Variants in GCC2 observed in about 807,000 individuals in gnomAD.
GCC2 encodes GRIP and coiled-coil domain containing 2.
In GCC2, 120 loss-of-function variants were observed where a neutral mutation model predicts 210.6. The ratio of observed to expected loss-of-function variants is 0.57; its 90% CI spans 0.49 to 0.66. The LOEUF is 0.66. GCC2 is among the 30% of genes least tolerant of loss of function. The pLI is 0.00. For synonymous variants in GCC2, 703 were observed against 652.7 expected (o/e 1.08, Z -1.17); for missense variants, 1,868 against 1,871.9 (o/e 1.00, Z 0.04).
At chr2:108,468,790 T>C (rs1427317594) in intron 4 of GCC2, among the ~76,000 whole-genome samples, 190 bp from the exon 5 acceptor site, 1 of 152,248 alleles carries the variant, frequency 6.6e-6, no homozygotes, top group African/African-American at 2.4e-5. Context: ...CGTAATTCAG[T>C]TTTCCAAAGA....
At position 108,469,766 on chromosome 2, in the gene GCC2, G is replaced by C. The variant is rs758608147; in HGVS notation, c.437G>C (p.Ser146Thr). 34 of 1,613,704 alleles carry C rather than the reference G, an allele frequency of 2.1e-5. No homozygotes were observed. Among genetic ancestry groups the C allele is most frequent in the Non-Finnish European group, 2.9e-5 (34 of 1,179,788 alleles). ...NELMAVRSKYSEDKANLQKQL... is the reference protein window; with the variant it reads ...NELMAVRSKYTEDKANLQKQL... ...TTGATGGCAGTACGTTCCAAATACA[G>C]TGAAGACAAAGCTAACTTACAAAAG... Residue 146 changes from serine (S) to threonine (T), a missense_variant, in exon 6 of 23, where the codon AGT becomes ACT. Physicochemically the swap from Ser to Thr is moderately conservative, Grantham distance 58. Coordinates refer to ENST00000309863, the MANE Select transcript of GCC2 (RefSeq NM_181453.4).
Position 108,471,679 on chromosome 2 carries a change from C to T in GCC2, c.2350C>T (p.Gln784Ter). The change falls in exon 6 of 23, where the codon CAG becomes TAG. Residue 784 changes from glutamine to a stop codon, truncating the protein, a stop_gained. Coordinates refer to ENST00000309863, the MANE Select transcript of GCC2 (RefSeq NM_181453.4). LOFTEE classifies it high-confidence loss of function. ...SEEKDVVNVL[Q>*]AVGESLAKIN... is the part of the protein sequence containing the mutation. ...AGAGAAAGATGTTGTTAATGTCCTACAGGCAGTCGGTGAATCCTTGGCAAA... is the reference window on the plus strand; with the variant it reads ...AGAGAAAGATGTTGTTAATGTCCTATAGGCAGTCGGTGAATCCTTGGCAAA... 3 of 1,613,568 alleles carry T rather than the reference C, an allele frequency of 1.9e-6. No homozygotes were observed. In the Middle Eastern group the frequency reaches 5.0e-4, roughly 266 times the overall value.
In GCC2 at chr2:108,470,018, A is replaced by G; in HGVS notation, c.689A>G (p.Tyr230Cys). The G allele has an allele frequency of 6.2e-7, 1 of 1,612,822 alleles. No individual in the cohort carries two copies. The highest frequency in any genetic ancestry group is 8.5e-7 in the Non-Finnish European group (1 of 1,179,482). ...QNIIEANSQH[Y>C]QKNINSLQEE... ...ATCATTGAGGCTAATTCTCAGCATT[A>G]CCAAAAAAATATTAATAGTTTGCAG... The change falls in exon 6 of 23, where the codon TAC becomes TGC. Residue 230 changes from tyrosine (Y) to cysteine (C), a missense_variant. By Grantham distance (194) the Tyr-to-Cys change is radical. This residue lies in a region of GCC2 where 1,847 missense variants were observed against 1,765.2 expected (regional missense o/e 1.05). Transcript: ENST00000309863.
intron 22 of GCC2, among the ~76,000 whole-genome samples, chr2:108,504,222 G>C: frequency 6.6e-6 from 1 of 152,048 alleles, no homozygotes; most frequent in East Asian, 1.9e-4. Flanking sequence ...ATATATACAT[G>C]AGTGTTGGTA....
In GCC2 at chr2:108,497,025, T is replaced by C; in HGVS notation, c.4698T>C (p.Ser1566=). The C allele has an allele frequency of 1.2e-6, 2 of 1,612,038 alleles. No homozygotes were observed. Among genetic ancestry groups the C allele is most frequent in the Non-Finnish European group, 1.7e-6 (2 of 1,179,862 alleles). ...FTKEELVQKL[S]STTKSADHLN... ...AAGAAGAATTGGTTCAGAAGCTCAG[T>C]TCCACCACAAAAAGTGCAGATCACT... The change falls in exon 21 of 23, where the codon AGT becomes AGC. Residue 1566 remains serine, a synonymous_variant. Coordinates refer to ENST00000309863, the MANE Select transcript of GCC2 (RefSeq NM_181453.4).
intron 22 of GCC2, among the ~76,000 whole-genome samples, chr2:108,500,948 G>A (rs568169635): frequency 9.9e-5 from 15 of 151,996 alleles, no homozygotes; most frequent in East Asian, 7.8e-4. Flanking sequence ...TCCTAAATAG[G>A]GCTCATATAT....
At chr2:108,466,212 A>G (rs1053546356) in intron 4 of GCC2, among the ~76,000 whole-genome samples, 2 of 151,896 alleles carry the variant, frequency 1.3e-5, no homozygotes, top group African/African-American at 2.4e-5. Flanking sequence ...GTTTGCAGAT[A>G]TTTTCTCCCA....
At chr2:108,461,778 G>A (rs7593788) in intron 4 of GCC2, among the ~76,000 whole-genome samples, 33,224 of 150,038 alleles carry the variant, frequency 0.22, 4,054 homozygotes, top group African/African-American at 0.32. Context: ...TTCTGGGATT[G>A]CAAGCATGAG....
At chr2:108,460,973 A>G (rs543320500) in intron 4 of GCC2, among the ~76,000 whole-genome samples, 2 of 152,222 alleles carry the variant, frequency 1.3e-5, no homozygotes, top group South Asian at 4.1e-4. Flanking sequence ...GCCTTCTGCC[A>G]TGATTGTAAG....
At chr2:108,462,117 G>A (rs1220776614) in intron 4 of GCC2, among the ~76,000 whole-genome samples, 1 of 147,274 alleles carries the variant, frequency 6.8e-6, no homozygotes, top group African/African-American at 2.5e-5. Flanking sequence ...GATTACAGGC[G>A]TGAGCCACTG....
In GCC2 at chr2:108,485,706, CA is replaced by C; in HGVS notation, c.3689del (p.Lys1230ArgfsTer14). 2 of 1,593,720 alleles carry C rather than the reference CA, an allele frequency of 1.3e-6. No individual in the cohort carries two copies. The highest frequency in any genetic ancestry group is 1.1e-5 in the South Asian group (1 of 87,378). ...AAATCAAGCAATTGCTTGTGAAAAC[CA>C]AAAAGGAACTGGCAGATTCAAAGCA... ...TKIKQLLVKT[K>X]KELADSKQAE... On this transcript the variant is annotated frameshift_variant, in exon 14 of 23. Coordinates refer to ENST00000309863, the MANE Select transcript of GCC2 (RefSeq NM_181453.4). LOFTEE classifies it high-confidence loss of function.
chr2:108,486,630 A>G lies in GCC2; in HGVS notation c.3912A>G (p.Glu1304=), dbSNP rs373111221. Reference sequence around the variant, plus strand: ...AGCAGAGAGTGACAGCACTACAGGAAGAGTGCCGTGCTGCCAAGGTGCGTT... The same window carrying G: ...AGCAGAGAGTGACAGCACTACAGGAGGAGTGCCGTGCTGCCAAGGTGCGTT... ...AYQQRVTALQ[E]ECRAAKAEQA... Residue 1304 remains glutamate, a synonymous_variant, in exon 16 of 23, where the codon GAA becomes GAG. Coordinates refer to ENST00000309863, the MANE Select transcript of GCC2 (RefSeq NM_181453.4). 6.4e-5 allele frequency: 103 copies of G among 1,613,234 alleles called. No individual in the cohort carries two copies. Among genetic ancestry groups the G allele is most frequent in the Non-Finnish European group, 8.5e-5 (100 of 1,179,684 alleles).
intron 4 of GCC2, among the ~76,000 whole-genome samples, chr2:108,454,047 G>A (rs1295280164): frequency 6.6e-6 from 1 of 152,052 alleles, no homozygotes; most frequent in Middle Eastern, 3.2e-3. Flanking sequence ...CTGGAGTGCA[G>A]TGGCACAATC....
At chr2:108,487,663 C>A (rs376735257) in intron 16 of GCC2, 36 bp from the exon 17 acceptor site, 1 of 1,567,132 alleles carries the variant, frequency 6.4e-7, no homozygotes, top group Non-Finnish European at 8.6e-7. Context: ...GACCCTGTTA[C>A]AGTAGAAAAA....
At chr2:108,503,985 A>G (rs1683058796) in intron 22 of GCC2, among the ~76,000 whole-genome samples, 1 of 152,158 alleles carries the variant, frequency 6.6e-6, no homozygotes, top group Non-Finnish European at 1.5e-5. Context: ...GCATGTGTCC[A>G]TAGTCCTAGC....
Position 108,507,567 on chromosome 2 carries a change from A to T in GCC2, c.4992A>T (p.Glu1664Asp). Residue 1664 changes from glutamate (E) to aspartate (D), a missense_variant, in exon 23 of 23, where the codon GAA becomes GAT. By Grantham distance (45) the Glu-to-Asp change is conservative (BLOSUM62 2). Transcript: ENST00000309863. ...GKLAAVAQGE[E>D]ENASRSSGWA... ...TTGTTTTACTTTCCAAAGGTGAGGA[A>T]GAAAATGCTTCCCGTTCTTCTGGAT... The T allele has an allele frequency of 6.3e-7, 1 of 1,599,106 alleles. No individual in the cohort carries two copies. The highest frequency in any genetic ancestry group is 2.2e-5 in the East Asian group (1 of 44,684).
At chr2:108,469,163 AAG>A (rs1681055825) in intron 5 of GCC2, 79 bp downstream of exon 5, 1 of 786,336 alleles carries the variant, frequency 1.3e-6, no homozygotes, top group Non-Finnish European at 2.1e-6. Context: ...AGACTTTAAA[AAG>A]CATCTAATCT....
intron 19 of GCC2, 117 bp downstream of exon 19, chr2:108,492,907 C>A: frequency 1.3e-6 from 1 of 751,626 alleles, no homozygotes; most frequent in Non-Finnish European, 2.3e-6. Flanking sequence ...AGTGTCAAAT[C>A]TGTGATTAAT....
chr2:108,466,571 C>T (rs1680902684), intron 4 of GCC2, among the ~76,000 whole-genome samples: 1 of 152,120 alleles, frequency 6.6e-6, no homozygotes, highest in African/African-American at 2.4e-5. Context: ...CTCCCGGGTT[C>T]ATGCCATTCT....
Sources: gnomAD v4.1 joint callset for allele counts (sites outside exome capture counted in the v4.1 genomes callset) on GRCh38, gnomAD v4.1.1 for gene constraint, gnomAD v4.1.1 regional missense constraint, MANE v1.5 for transcripts, NCBI Gene and HGNC (gene_info 2026-07-23, HGNC 2026-07-21) for gene names.